Variants in ENPP2 observed in about 807,000 individuals in gnomAD.
ENPP2 encodes the protein ectonucleotide pyrophosphatase/phosphodiesterase 2.
A neutral mutation model predicts 120.2 loss-of-function variants in ENPP2; 51 were observed. That is an observed-to-expected ratio of 0.42 (90% CI 0.34 to 0.54). The LOEUF (loss-of-function observed/expected upper bound fraction) is 0.54, where lower values mean the gene tolerates loss of function less well. ENPP2 is among the 20% of genes least tolerant of loss of function. The pLI, the probability that ENPP2 is intolerant of heterozygous loss-of-function variation, is 0.04. For synonymous variants in ENPP2, 365 were observed against 366.4 expected, an observed-to-expected ratio of 1.00 and a Z score of 0.04; for missense variants, 920 against 1,066.5, an observed-to-expected ratio of 0.86 and a Z score of 1.91.
At chr8:119,620,791 G>A (rs1815837394) in intron 4 of ENPP2, among the ~76,000 whole-genome samples, 2 of 152,306 alleles carry the variant, frequency 1.3e-5, no homozygotes, top group South Asian at 2.1e-4. Context: ...ATATGGCTTT[G>A]GGGTATAACA....
At chr8:119,638,381 A>G in intron 2 of ENPP2, 44 bp downstream of exon 2, 1 of 931,802 alleles carries the variant, frequency 1.1e-6, no homozygotes, top group Non-Finnish European at 1.8e-6. Context: ...CCCCGTATGT[A>G]ATATTTTTAA....
intron 1 of ENPP2, among the ~76,000 whole-genome samples, chr8:119,661,354 C>T (rs930497748): frequency 5.9e-5 from 9 of 152,106 alleles, no homozygotes; most frequent in South Asian, 2.1e-4. Flanking sequence ...GGTTGAAGAA[C>T]CTGAATAGAC....
At chr8:119,569,734 CTATT>C (rs201164037) in intron 20 of ENPP2, among the ~76,000 whole-genome samples, 1,830 of 93,908 alleles carry the variant, frequency 0.019, 14 homozygotes, top group Middle Eastern at 0.077. Context: ...TCTAAATAGA[CTATT>C]TATCTGTGTG....
At chr8:119,667,174 C>T (rs1162782518) in intron 1 of ENPP2, among the ~76,000 whole-genome samples, 1 of 152,098 alleles carries the variant, frequency 6.6e-6, no homozygotes, top group Non-Finnish European at 1.5e-5. Flanking sequence ...TCCCAGGATG[C>T]CTTAAATACC....
intron 6 of ENPP2, 83 bp downstream of exon 6, chr8:119,617,383 A>C: frequency 8.7e-7 from 1 of 1,149,970 alleles, no homozygotes; most frequent in Non-Finnish European, 1.3e-6. Context: ...CTACGTGCCC[A>C]TAGATCTCAA....
intron 1 of ENPP2, among the ~76,000 whole-genome samples, chr8:119,663,942 T>C (rs2130902834): frequency 6.6e-6 from 1 of 152,302 alleles, no homozygotes; most frequent in East Asian, 1.9e-4. Flanking sequence ...GTTGGATTTG[T>C]GGGTAGTCAA....
rs1243237540 is a variant in ENPP2 at position 119,587,029 on chromosome 8, A to T, written c.1239+15T>A. ...GCCTGGGCAGGGCAGAGGCGGGACAACTGGAAACACTTACCGTGAGATTGG... is the reference window on the plus strand; with the variant it reads ...GCCTGGGCAGGGCAGAGGCGGGACATCTGGAAACACTTACCGTGAGATTGG... On this transcript the variant is annotated intron_variant, in intron 14 of 24. Coordinates refer to ENST00000075322, the MANE Select transcript of ENPP2 (RefSeq NM_001040092.3). 9 of 1,607,606 alleles carry T rather than the reference A, an allele frequency of 5.6e-6. No individual in the cohort carries two copies. The South Asian group carries it at 1.0e-4, about 18-fold the overall frequency.
At chr8:119,657,052 C>T (rs1456259508) in intron 1 of ENPP2, among the ~76,000 whole-genome samples, 2 of 152,162 alleles carry the variant, frequency 1.3e-5, no homozygotes, top group African/African-American at 4.8e-5. Context: ...CTCAGCCTCC[C>T]GAGTAGCTGG....
intron 19 of ENPP2, chr8:119,572,116 A>G (rs1254349035): frequency 2.2e-6 from 2 of 891,168 alleles, no homozygotes; most frequent in Non-Finnish European, 3.6e-6. Flanking sequence ...AGCAAATCGT[A>G]ACAGTAGTAC....
chr8:119,623,373 G>T (rs1563745539), intron 3 of ENPP2, among the ~76,000 whole-genome samples: 1 of 152,058 alleles, frequency 6.6e-6, no homozygotes, highest in Non-Finnish European at 1.5e-5. Context: ...GCTGAGGCAG[G>T]AGAATCGCTT....
rs115535367 is a variant in ENPP2 at position 119,668,242 on chromosome 8, A to G, written c.21+5010T>C. Among the ~76,000 whole-genome samples, 749 of 152,264 alleles carry G rather than the reference A, an allele frequency of 4.9e-3. 5 individuals carry two copies. Among genetic ancestry groups the G allele is most frequent in the African/African-American group, 0.017 (698 of 41,560 alleles). ...TTCAGCACTGTTGTCTCCAACATCT[A>G]GCAGAGTGGTTGCCACATATTAGGT... On this transcript the variant is annotated intron_variant, in intron 1 of 25. Transcript: ENST00000427067.
chr8:119,569,420 G>A (rs1027102807), intron 20 of ENPP2, 50 bp from the exon 21 acceptor site: 28 of 1,593,966 alleles, frequency 1.8e-5, no homozygotes, highest in African/African-American at 6.7e-5. Context: ...TGTTACGAAC[G>A]GCTGAAATCA....
intron 4 of ENPP2, 57 bp downstream of exon 4, chr8:119,621,337 G>A: frequency 6.4e-7 from 1 of 1,562,590 alleles, no homozygotes; most frequent in Non-Finnish European, 8.8e-7. Flanking sequence ...AGGATCTCCT[G>A]GAGCACCTCC....
intron 1 of ENPP2, among the ~76,000 whole-genome samples, chr8:119,654,097 C>T (rs377554464): frequency 7.1e-6 from 1 of 141,718 alleles, no homozygotes; most frequent in Non-Finnish European, 1.5e-5. Context: ...TGTTATATAT[C>T]TATATAACAT....
At chr8:119,621,305 G>T in intron 4 of ENPP2, 89 bp downstream of exon 4, 1 of 1,137,276 alleles carries the variant, frequency 8.8e-7, no homozygotes, top group Non-Finnish European at 1.3e-6. Context: ...CTCATATCCA[G>T]TGTGGTCTAT....
intron 8 of ENPP2, among the ~76,000 whole-genome samples, chr8:119,611,532 A>T (rs1194290515): frequency 6.6e-6 from 1 of 152,208 alleles, no homozygotes; most frequent in Admixed American, 6.5e-5. Context: ...CGAGGCTGAG[A>T]TGGAGTGCTG....
At chr8:119,668,558 ACCTGGGACTACAGGCACTTGCCACCAT>A (rs1331648694) in intron 1 of ENPP2, among the ~76,000 whole-genome samples, 2 of 150,668 alleles carry the variant, frequency 1.3e-5, no homozygotes, top group Non-Finnish European at 2.9e-5. Flanking sequence ...CCTCCCGAGT[ACCTGGGACTACAGGCACTTGCCACCAT>A]GCCCAGCTAA....
intron 11 of ENPP2, among the ~76,000 whole-genome samples, chr8:119,594,946 T>C (rs745972459): frequency 1.3e-5 from 2 of 152,238 alleles, no homozygotes; most frequent in Non-Finnish European, 2.9e-5. Context: ...CTTTTGTTTT[T>C]TTCTTCATGA....
intron 1 of ENPP2, among the ~76,000 whole-genome samples, chr8:119,663,809 G>A (rs1397489804): frequency 6.6e-6 from 1 of 152,202 alleles, no homozygotes; most frequent in Admixed American, 6.5e-5. Flanking sequence ...TGTACCTGCT[G>A]ATTAAAGTCA....
Sources: allele counts gnomAD v4.1 joint callset (sites outside exome capture counted in the v4.1 genomes callset), GRCh38; gene constraint gnomAD v4.1.1; transcripts MANE v1.5; gene names NCBI Gene and HGNC (gene_info 2026-07-23, HGNC 2026-07-21).